The following RAB11FIP4 variants were observed in gnomAD, a reference collection of about 807,000 sequenced individuals.
RAB11FIP4 encodes the protein RAB11 family interacting protein 4, also known as rab11 family-interacting protein 4.
In RAB11FIP4, 23 loss-of-function variants were observed where a neutral mutation model predicts 74.3. That is an observed-to-expected ratio of 0.31 (90% CI 0.22 to 0.44). The LOEUF (loss-of-function observed/expected upper bound fraction) is 0.44, where lower values mean the gene tolerates loss of function less well. Among genes scored for constraint, RAB11FIP4 ranks in the 20% least tolerant of loss-of-function variants. The pLI is 1.00. For synonymous variants in RAB11FIP4, 360 were observed against 359.9 expected, an observed-to-expected ratio of 1.00 and a Z score of 0.00; for missense variants, 630 against 863.9, an observed-to-expected ratio of 0.73 and a Z score of 3.39.
At chr17:31,475,965 A>C (rs1298813470) in intron 3 of RAB11FIP4, among the ~76,000 whole-genome samples, 2 of 152,120 alleles carry the variant, frequency 1.3e-5, no homozygotes, top group African/African-American at 4.8e-5. Flanking sequence ...TTAATGAATC[A>C]ACAATATGTA....
chr17:31,469,440 T>G (rs2071717216), intron 3 of RAB11FIP4, among the ~76,000 whole-genome samples: 1 of 151,996 alleles, frequency 6.6e-6, no homozygotes, highest in Admixed American at 6.6e-5. Context: ...TGCAACATAA[T>G]GAGATCTTGT....
At chr17:31,485,772 C>G (rs989931148) in intron 3 of RAB11FIP4, among the ~76,000 whole-genome samples, 3 of 152,146 alleles carry the variant, frequency 2.0e-5, no homozygotes, top group Non-Finnish European at 4.4e-5. Context: ...TGTACAACAT[C>G]CTGTGAGGTA....
chr17:31,503,965 C>G (rs1301058564), intron 3 of RAB11FIP4, among the ~76,000 whole-genome samples: 1 of 149,582 alleles, frequency 6.7e-6, no homozygotes, highest in Non-Finnish European at 1.5e-5. Context: ...TGCTCAACAT[C>G]ATTGATCATC....
At chr17:31,461,989 C>A (rs932513838) in intron 3 of RAB11FIP4, among the ~76,000 whole-genome samples, 1 of 151,942 alleles carries the variant, frequency 6.6e-6, no homozygotes, top group African/African-American at 2.4e-5. Context: ...TGGCTGGGTG[C>A]GGTGGCTCAT....
intron 3 of RAB11FIP4, among the ~76,000 whole-genome samples, chr17:31,515,662 AG>A (rs2072532895): frequency 6.6e-6 from 1 of 152,044 alleles, no homozygotes; most frequent in Non-Finnish European, 1.5e-5. Context: ...TCGGGACTGC[AG>A]GGTCCTTTAA....
intron 1 of RAB11FIP4, among the ~76,000 whole-genome samples, chr17:31,411,609 C>CAG (rs1416171425): frequency 6.6e-6 from 1 of 152,240 alleles, no homozygotes; most frequent in Non-Finnish European, 1.5e-5. Context: ...GGCCTCTGAG[C>CAG]TACTTTCTTT....
chr17:31,436,765 T>G (rs201660257), intron 3 of RAB11FIP4, among the ~76,000 whole-genome samples: 11 of 30,212 alleles, frequency 3.6e-4, no homozygotes, highest in African/African-American at 1.9e-3. Flanking sequence ...TTTTTTTTTG[T>G]TTTTTTTTGT....
intron 1 of RAB11FIP4, among the ~76,000 whole-genome samples, chr17:31,420,059 A>G (rs1042263033): frequency 1.3e-5 from 2 of 152,192 alleles, no homozygotes; most frequent in African/African-American, 2.4e-5. Flanking sequence ...AATTTCTTTA[A>G]TCACTCAAGG....
intron 1 of RAB11FIP4, among the ~76,000 whole-genome samples, chr17:31,402,909 GC>G (rs1161320999): frequency 3.3e-5 from 5 of 152,112 alleles, no homozygotes; most frequent in Non-Finnish European, 7.4e-5. Flanking sequence ...ACAGGCGTGA[GC>G]CACCGCGCCT....
chr17:31,418,162 C>T (rs557342023), intron 1 of RAB11FIP4, among the ~76,000 whole-genome samples: 145 of 152,112 alleles, frequency 9.5e-4, no homozygotes, highest in African/African-American at 3.3e-3. Flanking sequence ...ACAAGGCGGG[C>T]GGATCACCTG....
chr17:31,497,034 T>G (rs1428595631), intron 3 of RAB11FIP4, among the ~76,000 whole-genome samples: 1 of 152,204 alleles, frequency 6.6e-6, no homozygotes, highest in Non-Finnish European at 1.5e-5. Flanking sequence ...AATAGGTGCT[T>G]AGCAGATGCG....
At chr17:31,394,940 G>GT (rs1489475796) in intron 1 of RAB11FIP4, among the ~76,000 whole-genome samples, 1 of 33,002 alleles carries the variant, frequency 3.0e-5, no homozygotes, top group African/African-American at 6.7e-5. Flanking sequence ...GCGGGGGGCG[G>GT]GGGGGGGGGG....
chr17:31,423,351 C>A (rs1259332210), intron 1 of RAB11FIP4, among the ~76,000 whole-genome samples: 1 of 152,016 alleles, frequency 6.6e-6, no homozygotes, highest in Non-Finnish European at 1.5e-5. Context: ...TGAAGAATGT[C>A]AGTTTTTTCT....
chr17:31,536,042 G>GC lies in RAB11FIP4; in HGVS notation c.*4310_*4311insC, dbSNP rs1242110932. ...GTGCTGGTGTTCAGGGGAGTTGGGG[G>GC]GGGGGGGCGCGGGGACAGAAGCGCG... is the stretch of plus-strand genomic sequence containing the variant. On this transcript the variant is annotated 3_prime_UTR_variant, in exon 15 of 15. Transcript: ENST00000621161. 1 of 151,948 alleles carries GC rather than the reference G, an allele frequency of 6.6e-6. No homozygotes were observed. The highest frequency in any genetic ancestry group is 1.5e-5 in the Non-Finnish European group (1 of 68,000). 9.4% of individuals were successfully genotyped at this position (151,948 alleles called of 1,614,324 possible).
intron 3 of RAB11FIP4, among the ~76,000 whole-genome samples, chr17:31,450,209 G>A (rs905731797): frequency 9.9e-5 from 15 of 151,874 alleles, no homozygotes; most frequent in Non-Finnish European, 1.5e-5. Context: ...GGAACCCTGG[G>A]CAGGGCCTGG....
intron 3 of RAB11FIP4, among the ~76,000 whole-genome samples, chr17:31,478,132 A>G (rs989933759): frequency 3.3e-5 from 5 of 150,508 alleles, no homozygotes; most frequent in African/African-American, 1.2e-4. Flanking sequence ...AGCTGGGATT[A>G]TAGGCGACCA....
intron 3 of RAB11FIP4, among the ~76,000 whole-genome samples, chr17:31,510,059 A>G (rs1403967913): frequency 6.6e-6 from 1 of 152,160 alleles, no homozygotes; most frequent in East Asian, 1.9e-4. Context: ...AAGATTGCGT[A>G]CCAGTCTCTG....
chr17:31,421,928 C>T (rs916618280), intron 1 of RAB11FIP4, among the ~76,000 whole-genome samples: 1 of 151,988 alleles, frequency 6.6e-6, no homozygotes, highest in East Asian at 1.9e-4. Flanking sequence ...GCCTGTAATC[C>T]CAGCACTTTG....
chr17:31,517,387 T>G (rs919235233), intron 3 of RAB11FIP4, among the ~76,000 whole-genome samples: 5 of 152,078 alleles, frequency 3.3e-5, no homozygotes, highest in African/African-American at 1.2e-4. Context: ...CTGAATAAAG[T>G]GGCTAGCCTG....
Sources: gnomAD v4.1 joint callset for allele counts (sites outside exome capture counted in the v4.1 genomes callset) on GRCh38, gnomAD v4.1.1 for gene constraint, MANE v1.5 for transcripts, NCBI Gene and HGNC (gene_info 2026-07-23, HGNC 2026-07-21) for gene names.